WNK3: variants seen among roughly 807,000 people sequenced by gnomAD.
The protein encoded by WNK3 is serine/threonine-protein kinase WNK3.
In WNK3, 18 loss-of-function variants were observed where a neutral mutation model predicts 116.7. The observed-to-expected ratio is 0.15, with a 90% CI of 0.11 to 0.23. WNK3 has a LOEUF of 0.23. WNK3 is among the 10% of genes least tolerant of loss of function. WNK3 has a pLI of 1.00. For synonymous variants in WNK3, 404 were observed against 469.4 expected, an observed-to-expected ratio of 0.86 and a Z score of 1.80; for missense variants, 993 against 1,323.8, an observed-to-expected ratio of 0.75 and a Z score of 3.88.
intron 22 of WNK3, among the ~76,000 whole-genome samples, chrX:54,214,504 C>T (rs1421785607): frequency 1.8e-5 from 2 of 111,538 alleles, no homozygotes; most frequent in Admixed American, 1.9e-4. Flanking sequence ...GGCAAAACAA[C>T]TAGAACCAAC....
exon 17 of WNK3, chrX:54,248,917 G>A: frequency 8.3e-7 from 1 of 1,211,172 alleles, no homozygotes; most frequent in Non-Finnish European, 1.1e-6. Context: ...GGAAGAAAAT[G>A]GAGAGTCTAT....
At position 54,271,201 on chromosome X, in the gene WNK3, G is replaced by T. The variant is rs1488980276; in HGVS notation, c.2038-11863C>A. Among the ~76,000 whole-genome samples the T allele has an allele frequency of 2.7e-5, 3 of 111,856 alleles. No individual in the cohort carries two copies. In the Admixed American group the frequency reaches 2.9e-4, roughly 11 times the overall value. The stretch of plus-strand genomic sequence containing the variant: ...ATATACCAAACTTTTTACTTATAAA[G>T]ATAAAGAATACCACCTATAAGCACT... On this transcript the variant is annotated intron_variant, in intron 10 of 23. Coordinates refer to ENST00000354646, the Ensembl canonical transcript of WNK3.
chrX:54,225,274 A>AATG (rs1409208574), intron 22 of WNK3, among the ~76,000 whole-genome samples: 1 of 108,986 alleles, frequency 9.2e-6, no homozygotes, highest in African/African-American at 3.3e-5. Flanking sequence ...TAATAATAAT[A>AATG]ATAAGCACAA....
At chrX:54,271,394 C>T (rs563879176) in intron 10 of WNK3, among the ~76,000 whole-genome samples, 1 of 111,178 alleles carries the variant, frequency 9.0e-6, no homozygotes, top group African/African-American at 3.3e-5. Flanking sequence ...GTAAATGAAA[C>T]GTCAGTTTCG....
intron 13 of WNK3, among the ~76,000 whole-genome samples, chrX:54,252,221 A>C (rs1043684465): frequency 2.7e-5 from 3 of 111,585 alleles, no homozygotes; most frequent in Non-Finnish European, 5.6e-5. Flanking sequence ...GACATTTCTC[A>C]GATTGGCACT....
rs782654885 is a variant in WNK3 at position 54,264,039 on chromosome X, T to A, written c.2038-4701A>T. Among the ~76,000 whole-genome samples, 44 of 106,705 alleles carry A rather than the reference T, an allele frequency of 4.1e-4. 1 individual carries two copies. The South Asian group carries it at 0.013, about 31-fold the overall frequency. The allele number at this position is 106,705 out of a possible 115,157, so 92.7% of individuals were successfully genotyped here. A position where few individuals can be genotyped will look rare whatever the true frequency, so the allele number is the denominator to read the frequency against. ...TGCCACCACACCTGGCTAATTTTTT[T>A]AAAAAAAATTTGGGCCAGGTGTGGT... On this transcript the variant is annotated intron_variant, in intron 10 of 23. Transcript: ENST00000354646.
intron 1 of WNK3, among the ~76,000 whole-genome samples, chrX:54,340,832 A>G (rs782123148): frequency 8.9e-6 from 1 of 111,918 alleles, no homozygotes; most frequent in Non-Finnish European, 1.9e-5. Flanking sequence ...ACAAGTGTTG[A>G]CAAGCACATG....
At chrX:54,277,846 A>T (rs2068468174) in intron 10 of WNK3, among the ~76,000 whole-genome samples, 1 of 111,395 alleles carries the variant, frequency 9.0e-6, no homozygotes, top group Non-Finnish European at 1.9e-5. Flanking sequence ...TAATCCTAGT[A>T]CTTTGGGAGG....
At chrX:54,320,163 TAACTA>T (rs2069012478) in intron 2 of WNK3, among the ~76,000 whole-genome samples, 1 of 112,399 alleles carries the variant, frequency 8.9e-6, no homozygotes, top group African/African-American at 3.2e-5. Context: ...TTATAAATGT[TAACTA>T]AACATTAAAT....
At chrX:54,261,629 AACAC>A (rs782069714) in intron 10 of WNK3, among the ~76,000 whole-genome samples, 1 of 109,439 alleles carries the variant, frequency 9.1e-6, no homozygotes, top group Non-Finnish European at 1.9e-5. Context: ...TCTGTACACA[AACAC>A]ACACACACAC....
At chrX:54,287,100 A>G (rs1413786283) in intron 10 of WNK3, among the ~76,000 whole-genome samples, 2 of 111,022 alleles carry the variant, frequency 1.8e-5, no homozygotes, top group Non-Finnish European at 3.8e-5. Flanking sequence ...CTTAACCTCT[A>G]TGAACCTCAG....
At chrX:54,233,077 C>G in intron 20 of WNK3, 57 bp from the exon 21 acceptor site, 1 of 951,306 alleles carries the variant, frequency 1.1e-6, no homozygotes, top group South Asian at 2.1e-5. Flanking sequence ...AAAGATGAGC[C>G]AAGAAACTCT....
At chrX:54,264,246 T>C (rs1557157200) in intron 10 of WNK3, among the ~76,000 whole-genome samples, 2 of 108,780 alleles carry the variant, frequency 1.8e-5, no homozygotes, top group Non-Finnish European at 3.8e-5. Context: ...GGCACGGGAA[T>C]TGTTTGAACC....
At chrX:54,220,164 C>T (rs1368658812) in intron 22 of WNK3, among the ~76,000 whole-genome samples, 1 of 112,027 alleles carries the variant, frequency 8.9e-6, no homozygotes, top group African/African-American at 3.2e-5. Flanking sequence ...CTCTTGGGAA[C>T]ATGCAAAAGG....
chrX:54,253,186 TA>T (rs782594620), intron 13 of WNK3, among the ~76,000 whole-genome samples: 1,789 of 97,372 alleles, frequency 0.018, 14 homozygotes, highest in African/African-American at 0.03. Flanking sequence ...CCACAAAAAT[TA>T]AAAAAAAAAA....
chrX:54,308,044 C>G, exon 5 of WNK3: 1 of 1,203,392 alleles, frequency 8.3e-7, no homozygotes, highest in Non-Finnish European at 1.1e-6. Flanking sequence ...TCATAGTGTT[C>G]TTCATACATC....
At chrX:54,226,744 G>C (rs1296254378) in intron 22 of WNK3, among the ~76,000 whole-genome samples, 7 of 109,664 alleles carry the variant, frequency 6.4e-5, no homozygotes, top group Non-Finnish European at 9.5e-5. Flanking sequence ...GGAGGCTAAG[G>C]CAGGAGAATC....
rs782603861 is a variant in WNK3 at position 54,356,465 on chromosome X, C to G, written c.-120+1221G>C. On this transcript the variant is annotated intron_variant, in intron 1 of 23. Coordinates refer to ENST00000354646, the Ensembl canonical transcript of WNK3. Reference sequence around the variant, plus strand: ...AGCTGGGATTACAGGCACGCTCCACCACGCCCGGCTAAGCTTTAGTGCATT... The same window carrying G: ...AGCTGGGATTACAGGCACGCTCCACGACGCCCGGCTAAGCTTTAGTGCATT... Among the ~76,000 whole-genome samples, 481 of 111,199 alleles carry G rather than the reference C, an allele frequency of 4.3e-3. 2 individuals carry two copies. The highest frequency in any genetic ancestry group is 7.3e-3 in the Non-Finnish European group (387 of 53,101).
At chrX:54,273,082 T>C (rs568344080) in intron 10 of WNK3, among the ~76,000 whole-genome samples, 5 of 111,899 alleles carry the variant, frequency 4.5e-5, no homozygotes, top group Admixed American at 3.8e-4. Flanking sequence ...GAAAACAATA[T>C]CAACAAAAAC....
Sources: gnomAD v4.1 joint callset for allele counts (sites outside exome capture counted in the v4.1 genomes callset) on GRCh38, gnomAD v4.1.1 for gene constraint, MANE v1.5 for transcripts, NCBI Gene and HGNC (gene_info 2026-07-23, HGNC 2026-07-21) for gene names.